Variants in SOX13 observed in about 807,000 individuals in gnomAD.
SOX13 encodes transcription factor SOX-13.
SOX13 carries 28 observed loss-of-function variants against 71.8 expected under a neutral mutation model. That is an observed-to-expected ratio of 0.39 (90% CI 0.29 to 0.53). SOX13 has a LOEUF of 0.53. Ranked by LOEUF, SOX13 falls within the 20% of genes least tolerant of loss-of-function variation. The probability of loss-of-function intolerance (pLI) is 0.70; values close to 1 mark genes in which losing one functional copy is unlikely to be tolerated. For missense variants in SOX13, 627 were observed against 810.3 expected, an observed-to-expected ratio of 0.77 and a Z score of 2.75; for synonymous variants, 309 against 317.8, an observed-to-expected ratio of 0.97 and a Z score of 0.29.
At chr1:204,104,757 G>T (rs1656429227) in intron 1 of SOX13, among the ~76,000 whole-genome samples, 2 of 152,228 alleles carry the variant, frequency 1.3e-5, no homozygotes, top group African/African-American at 4.8e-5. Context: ...GTCTGTTCAG[G>T]CTTCCTGTAC....
intron 1 of SOX13, among the ~76,000 whole-genome samples, chr1:204,084,392 T>G (rs1655974407): frequency 6.6e-6 from 1 of 152,170 alleles, no homozygotes. Context: ...ATGCCTTTGC[T>G]GCCTCTCTCC....
chr1:204,099,101 A>G (rs901858052), intron 1 of SOX13, among the ~76,000 whole-genome samples: 5 of 152,152 alleles, frequency 3.3e-5, no homozygotes, highest in African/African-American at 1.2e-4. Flanking sequence ...ATAAACTTCC[A>G]TGGCTCTTGG....
chr1:204,091,172 T>C (rs1656135619), intron 1 of SOX13, among the ~76,000 whole-genome samples: 2 of 152,170 alleles, frequency 1.3e-5, no homozygotes. Flanking sequence ...GCCTGGTAAC[T>C]GAGACAACTT....
intron 1 of SOX13, among the ~76,000 whole-genome samples, chr1:204,085,594 G>A (rs1207830682): frequency 6.6e-6 from 1 of 151,914 alleles, no homozygotes; most frequent in African/African-American, 2.4e-5. Flanking sequence ...GATTTATAAA[G>A]GACATCTAGG....
rs140135229 is a variant in SOX13, at chr1:204,083,584, G to C, written c.-2+9873G>C. On this transcript the variant is annotated intron_variant, in intron 1 of 13. Coordinates refer to ENST00000367204, the MANE Select transcript of SOX13 (RefSeq NM_005686.3). ...TCTAGGTGTGTGGACAGATTAACAG[G>C]TAACTCCAGAAGCACATTGGCCTTT... Among the ~76,000 whole-genome samples the C allele has an allele frequency of 2.2e-3, 335 of 152,306 alleles. 1 individual carries two copies. The highest frequency in any genetic ancestry group is 7.6e-3 in the African/African-American group (316 of 41,564).
At chr1:204,124,477 A>G (rs1319391005) in intron 12 of SOX13, among the ~76,000 whole-genome samples, 164 bp from the exon 13 acceptor site, 4 of 152,260 alleles carry the variant, frequency 2.6e-5, no homozygotes, top group Non-Finnish European at 4.4e-5. Flanking sequence ...CATTTGCCCA[A>G]TATCCAAGGA....
At chr1:204,097,704 A>G (rs556822941) in intron 1 of SOX13, among the ~76,000 whole-genome samples, 13 of 151,698 alleles carry the variant, frequency 8.6e-5, no homozygotes, top group Admixed American at 2.6e-4. Context: ...AAAAAAAAAA[A>G]AAAAGAAAAG....
chr1:204,093,737 A>T (rs1656194164), intron 1 of SOX13, among the ~76,000 whole-genome samples: 1 of 152,224 alleles, frequency 6.6e-6, no homozygotes, highest in African/African-American at 2.4e-5. Context: ...TTCTGTCTTC[A>T]AGTAAGCCTC....
chr1:204,089,940 C>T (rs1056601320), intron 1 of SOX13, among the ~76,000 whole-genome samples: 4 of 152,198 alleles, frequency 2.6e-5, no homozygotes, highest in East Asian at 1.9e-4. Context: ...GCCAGCATTG[C>T]GTAGAGGGCC....
Position 204,091,554 on chromosome 1 carries a change from TC to T in SOX13, c.-2+17844del, listed in dbSNP as rs1181663155. 3.3e-5 allele frequency among the ~76,000 whole-genome samples: 5 copies of T among 152,228 alleles called. No homozygotes were observed. In the East Asian group the frequency reaches 9.6e-4, roughly 29 times the overall value. ...CCACCCTCAGGGATGCTCTAATCTC[TC>T]TGGGGAGGTGAAACAGTTCATTGTG... On this transcript the variant is annotated intron_variant, in intron 1 of 13. Transcript: ENST00000367204.
chr1:204,122,506 A>C, intron 9 of SOX13, 107 bp downstream of exon 9: 1 of 874,664 alleles, frequency 1.1e-6, no homozygotes, highest in Non-Finnish European at 1.8e-6. Context: ...TCCAGATTTT[A>C]TCAAATGAGG....
intron 9 of SOX13, 51 bp from the exon 10 acceptor site, chr1:204,122,803 T>C (rs1415286862): frequency 4.3e-6 from 5 of 1,167,636 alleles, no homozygotes; most frequent in Non-Finnish European, 4.9e-6. Context: ...GCTGGGCTGA[T>C]GCCCTCAGCT....
At chr1:204,104,706 G>T (rs1291486967) in intron 1 of SOX13, among the ~76,000 whole-genome samples, 1 of 152,240 alleles carries the variant, frequency 6.6e-6, no homozygotes, top group African/African-American at 2.4e-5. Context: ...TGTGTGCCCA[G>T]CGGGGAAGTG....
chr1:204,112,615 CA>C (rs1292363760), intron 1 of SOX13, among the ~76,000 whole-genome samples: 1 of 152,086 alleles, frequency 6.6e-6, no homozygotes, highest in East Asian at 1.9e-4. Context: ...GCCGTCAGTC[CA>C]CTAGTCCCGT....
In SOX13 at chr1:204,074,412, C is replaced by T. The variant is rs1655742067; in HGVS notation, c.-2+701C>T. 4 of 151,598 alleles carry T rather than the reference C, an allele frequency of 2.6e-5. No individual in the cohort carries two copies. In the South Asian group the frequency reaches 8.3e-4, roughly 32 times the overall value. 9.4% of individuals were successfully genotyped at this position (151,598 alleles called of 1,614,324 possible). Reference sequence around the variant, plus strand: ...TAGGTGAGCCTTTTCATCCCGATTCCGCTGCAAACGCTGATCGCGCCTAGG... The same window carrying T: ...TAGGTGAGCCTTTTCATCCCGATTCTGCTGCAAACGCTGATCGCGCCTAGG... On this transcript the variant is annotated intron_variant, in intron 1 of 13. Transcript: ENST00000367204.
rs1052444552 is a variant in SOX13 at position 204,081,813 on chromosome 1, G to A, written c.-2+8102G>A. ...TCCAGCCCTACTGAAGGAGTCTGAA[G>A]TCACTCAACCATCCTTGTGAGGTTT... On this transcript the variant is annotated intron_variant, in intron 1 of 13. Coordinates refer to ENST00000367204, the MANE Select transcript of SOX13 (RefSeq NM_005686.3). The surrounding 1 kb of genome is among the most constrained non-coding windows in gnomAD (Gnocchi z 4.3). 5.3e-5 allele frequency among the ~76,000 whole-genome samples: 8 copies of A among 151,862 alleles called. No homozygotes were observed. The East Asian group carries it at 5.8e-4, about 11-fold the overall frequency.
At position 204,122,360 on chromosome 1, in the gene SOX13, A is replaced by C. The variant is rs777445021; in HGVS notation, c.985A>C (p.Thr329Pro). 3 of 1,561,932 alleles carry C rather than the reference A, an allele frequency of 1.9e-6. No individual in the cohort carries two copies. The highest frequency in any genetic ancestry group is 2.6e-6 in the Non-Finnish European group (3 of 1,152,686). ...CCGCCCCCCCAGCCATGGAGGCCCC[A>C]CGCGGGACCTGCAGTCCAGCCCCCC... The part of the protein sequence containing the change: ...VPRPPSHGGP[T>P]RDLQSSPPSL... The change falls in exon 9 of 14, where the codon ACG (threonine) becomes CCG (proline). Residue 329 changes from threonine to proline, a missense_variant. This residue lies in a region of SOX13 where 447 missense variants were observed against 532.2 expected (regional missense o/e 0.84). Transcript: ENST00000367204.
Position 204,124,857 on chromosome 1 carries a change from C to T in SOX13, c.1592C>T (p.Pro531Leu), listed in dbSNP as rs549458147. The T allele has an allele frequency of 1.0e-5, 16 of 1,560,700 alleles. No homozygotes were observed. Among genetic ancestry groups the T allele is most frequent in the African/African-American group, 5.4e-5 (4 of 73,636 alleles). The change falls in exon 13 of 14, where the codon CCC becomes CTC. Residue 531 changes from proline to leucine, a missense_variant and splice_region_variant. By Grantham distance (98) the Pro-to-Leu change is moderately conservative (BLOSUM62 -3). Around this residue, in one of 3 missense-constraint regions of SOX13, gnomAD observed 148 missense variants for 192.7 expected, o/e 0.77. Coordinates refer to ENST00000367204, the MANE Select transcript of SOX13 (RefSeq NM_005686.3). ...GATGCCCGCCAGAGCTACGTGATCC[C>T]GTGAGCAGGCCCCCCCGCAGGCAGC... ...RQDARQSYVI[P>L]PQAGQVQMSS...
intron 1 of SOX13, among the ~76,000 whole-genome samples, chr1:204,087,791 G>A (rs1263847484): frequency 2.0e-5 from 3 of 152,164 alleles, no homozygotes; most frequent in Admixed American, 6.5e-5. Context: ...CCACAGCCCC[G>A]CACAGGATGC....
Sources: gnomAD v4.1 joint callset for allele counts (sites outside exome capture counted in the v4.1 genomes callset) on GRCh38, gnomAD v4.1.1 for gene constraint, gnomAD v4.1.1 regional missense constraint, Gnocchi (gnomAD v3.1) non-coding constraint, MANE v1.5 for transcripts, NCBI Gene and HGNC (gene_info 2026-07-23, HGNC 2026-07-21) for gene names.